The following CNTN3 variants were observed in gnomAD, a reference collection of about 807,000 sequenced individuals.
The protein encoded by CNTN3 is contactin-3.
In CNTN3, 60 loss-of-function variants were observed where a neutral mutation model predicts 119.1. The observed-to-expected ratio is 0.50, with a 90% CI of 0.41 to 0.62. The LOEUF is 0.62. Among genes scored for constraint, CNTN3 ranks in the 20% least tolerant of loss-of-function variants. The pLI, the probability that CNTN3 is intolerant of heterozygous loss-of-function variation, is 0.00. For synonymous variants in CNTN3, 450 were observed against 438.7 expected, an observed-to-expected ratio of 1.03 and a Z score of -0.32; for missense variants, 1,101 against 1,242.4, an observed-to-expected ratio of 0.89 and a Z score of 1.71.
At chr3:74,428,846 T>A (rs192129515) in intron 4 of CNTN3, among the ~76,000 whole-genome samples, 2 of 152,288 alleles carry the variant, frequency 1.3e-5, no homozygotes, top group Non-Finnish European at 1.5e-5. Flanking sequence ...CCGTTTCCTA[T>A]CTTTTATATT....
intron 20 of CNTN3, among the ~76,000 whole-genome samples, chr3:74,280,712 A>C (rs77000991): frequency 0.023 from 3,464 of 152,322 alleles, 140 homozygotes; most frequent in African/African-American, 0.079. Context: ...ACTGGAGTAG[A>C]GCTCTGGGAA....
intron 5 of CNTN3, among the ~76,000 whole-genome samples, chr3:74,424,569 A>G (rs946987784): frequency 5.3e-5 from 8 of 152,128 alleles, no homozygotes; most frequent in African/African-American, 1.9e-4. Flanking sequence ...ATAATGGTGT[A>G]ATGACAAAGC....
intron 4 of CNTN3, among the ~76,000 whole-genome samples, chr3:74,430,996 C>T (rs1031149642): frequency 5.9e-5 from 9 of 152,222 alleles, no homozygotes; most frequent in Admixed American, 1.3e-4. Context: ...CCAGTATCTC[C>T]GAAGTCAACA....
At chr3:74,446,367 G>A (rs568290480) in intron 4 of CNTN3, among the ~76,000 whole-genome samples, 2 of 152,128 alleles carry the variant, frequency 1.3e-5, no homozygotes, top group Non-Finnish European at 2.9e-5. Flanking sequence ...AAGTCTTTAG[G>A]TTTATTGAGA....
intron 20 of CNTN3, among the ~76,000 whole-genome samples, chr3:74,270,057 C>T: frequency 6.6e-6 from 1 of 152,162 alleles, no homozygotes; most frequent in South Asian, 2.1e-4. Context: ...TGCTAAGATA[C>T]ATGACTAGTG....
chr3:74,445,739 T>A (rs1218082725), intron 4 of CNTN3, among the ~76,000 whole-genome samples: 2 of 152,180 alleles, frequency 1.3e-5, no homozygotes, highest in Non-Finnish European at 2.9e-5. Context: ...ATGTGCACTA[T>A]CATTAAGAAT....
chr3:74,392,166 C>G (rs1423192210), intron 5 of CNTN3, among the ~76,000 whole-genome samples: 1 of 152,094 alleles, frequency 6.6e-6, no homozygotes, highest in Admixed American at 6.5e-5. Flanking sequence ...AACATATAAA[C>G]TAGGTTCCAA....
rs1702024168 is a variant in CNTN3 at position 74,444,904 on chromosome 3, G to GAA, written c.359-19966_359-19965dup. On this transcript the variant is annotated intron_variant, in intron 4 of 22. Transcript: ENST00000263665. ...GAAAATAGGAAATATAAATAATTAT[G>GAA]AATATTTTTATGTAGCACCAAAATC... Among the ~76,000 whole-genome samples, 3 of 152,044 alleles carry GAA rather than the reference G, an allele frequency of 2.0e-5. No homozygotes were observed. The South Asian group carries it at 6.2e-4, about 32-fold the overall frequency.
intron 4 of CNTN3, among the ~76,000 whole-genome samples, chr3:74,437,714 C>T (rs868005696): frequency 6.6e-6 from 1 of 151,474 alleles, no homozygotes; most frequent in Non-Finnish European, 1.5e-5. Flanking sequence ...TGTATATATA[C>T]ATATATATAG....
chr3:74,595,287 CTTTAG>C (rs1353098331), intron 1 of CNTN3, among the ~76,000 whole-genome samples: 34 of 151,362 alleles, frequency 2.2e-4, no homozygotes, highest in African/African-American at 8.0e-4. Context: ...TGCAGAAGCT[CTTTAG>C]TTTAATTAGA....
intron 1 of CNTN3, among the ~76,000 whole-genome samples, chr3:74,607,569 G>T (rs896414405): frequency 6.6e-6 from 1 of 152,116 alleles, no homozygotes; most frequent in Admixed American, 6.6e-5. Flanking sequence ...CTTTTCAAAC[G>T]TAGCATGGGG....
chr3:74,328,030 A>G (rs1290874069), intron 13 of CNTN3, among the ~76,000 whole-genome samples: 1 of 151,412 alleles, frequency 6.6e-6, no homozygotes, highest in Admixed American at 6.6e-5. Context: ...TTTCTCCTTC[A>G]TGTACATATG....
chr3:74,578,217 G>T (rs1421858342), intron 1 of CNTN3, among the ~76,000 whole-genome samples: 1 of 151,814 alleles, frequency 6.6e-6, no homozygotes, highest in Admixed American at 6.6e-5. Context: ...GTTATAAGAT[G>T]TTTTTTTAAG....
intron 13 of CNTN3, among the ~76,000 whole-genome samples, chr3:74,310,489 G>A (rs1702658471): frequency 6.6e-6 from 1 of 152,158 alleles, no homozygotes; most frequent in African/African-American, 2.4e-5. Context: ...TGACCAGCAA[G>A]TTGGTATTGG....
chr3:74,348,555 C>T (rs937114651), intron 11 of CNTN3, among the ~76,000 whole-genome samples: 1 of 152,154 alleles, frequency 6.6e-6, no homozygotes, highest in East Asian at 1.9e-4. Flanking sequence ...GCCATGATAG[C>T]ATAGGAAGCC....
At position 74,460,160 on chromosome 3, in the gene CNTN3, G is replaced by C; in HGVS notation, c.358+26296C>G. Among the ~76,000 whole-genome samples the C allele has an allele frequency of 1.3e-5, 2 of 152,012 alleles. 1 individual carries two copies. ...ACACAACACAGTCTTGATAACTGTAGCTAAATAGTAATCCTTAATATCTGC... is the reference window on the plus strand; with the variant it reads ...ACACAACACAGTCTTGATAACTGTACCTAAATAGTAATCCTTAATATCTGC... On this transcript the variant is annotated intron_variant, in intron 4 of 22. Transcript: ENST00000263665.
At chr3:74,344,602 C>T (rs1238888488) in intron 11 of CNTN3, among the ~76,000 whole-genome samples, 1 of 151,248 alleles carries the variant, frequency 6.6e-6, no homozygotes, top group Non-Finnish European at 1.5e-5. Flanking sequence ...GGACTACAGG[C>T]GGCCGACACC....
intron 1 of CNTN3, among the ~76,000 whole-genome samples, chr3:74,581,038 G>A (rs1394867297): frequency 6.6e-6 from 1 of 152,110 alleles, no homozygotes; most frequent in Non-Finnish European, 1.5e-5. Flanking sequence ...CATTCTTAAT[G>A]GGGAAAATCA....
intron 1 of CNTN3, among the ~76,000 whole-genome samples, chr3:74,604,488 A>G (rs550921614): frequency 6.3e-4 from 96 of 152,154 alleles, no homozygotes; most frequent in Admixed American, 1.2e-3. Flanking sequence ...ACCTAATTTT[A>G]AAATAGGCAA....
Sources: allele counts gnomAD v4.1 joint callset (sites outside exome capture counted in the v4.1 genomes callset), GRCh38; gene constraint gnomAD v4.1.1; transcripts MANE v1.5; gene names NCBI Gene and HGNC (gene_info 2026-07-23, HGNC 2026-07-21).